TMEM132D: variants seen among roughly 807,000 people sequenced by gnomAD.
The protein encoded by TMEM132D is transmembrane protein 132D, also known as mature OL transmembrane protein.
TMEM132D carries 21 observed loss-of-function variants against 62.3 expected under a neutral mutation model. The ratio of observed to expected loss-of-function variants is 0.34; its 90% CI spans 0.24 to 0.49. TMEM132D has a LOEUF of 0.49. Among genes scored for constraint, TMEM132D ranks in the 20% least tolerant of loss-of-function variants. The pLI is 0.99. For missense variants in TMEM132D, 1,346 were observed against 1,402.8 expected (o/e 0.96, Z 0.65); for synonymous variants, 621 against 575.6 (o/e 1.08, Z -1.13).
At chr12:129,405,197 T>C (rs1871744330) in intron 3 of TMEM132D, among the ~76,000 whole-genome samples, 1 of 152,216 alleles carries the variant, frequency 6.6e-6, no homozygotes, top group Non-Finnish European at 1.5e-5. Context: ...AAGGTTCTGC[T>C]GATTTGGCTC....
chr12:129,158,748 C>T (rs750944806), intron 5 of TMEM132D, among the ~76,000 whole-genome samples: 3 of 152,148 alleles, frequency 2.0e-5, no homozygotes, highest in South Asian at 2.1e-4. Context: ...CAGTGATCAA[C>T]GGTATGAGTC....
At chr12:129,252,841 C>T (rs1459955726) in intron 4 of TMEM132D, among the ~76,000 whole-genome samples, 4 of 152,052 alleles carry the variant, frequency 2.6e-5, no homozygotes, top group Admixed American at 2.6e-4. Flanking sequence ...CACATATACG[C>T]CATGGAATAC....
intron 4 of TMEM132D, among the ~76,000 whole-genome samples, chr12:129,313,573 A>G (rs971392917): frequency 2.4e-4 from 36 of 151,022 alleles, no homozygotes; most frequent in South Asian, 1.3e-3. Flanking sequence ...GTGTGTGTAT[A>G]TATATATATA....
chr12:129,571,824 T>A (rs1456874797), intron 2 of TMEM132D, among the ~76,000 whole-genome samples: 1 of 151,986 alleles, frequency 6.6e-6, no homozygotes, highest in African/African-American at 2.4e-5. Flanking sequence ...ATTTAGGGAT[T>A]TTTTTTAAAG....
chr12:129,855,084 G>T, intron 1 of TMEM132D: 1 of 150,934 alleles, frequency 6.6e-6, no homozygotes, highest in Non-Finnish European at 1.5e-5. Flanking sequence ...GAACGGGATG[G>T]GTGCCCTTAT....
intron 3 of TMEM132D, among the ~76,000 whole-genome samples, chr12:129,423,273 A>G (rs541390973): frequency 5.3e-5 from 8 of 152,268 alleles, no homozygotes; most frequent in Admixed American, 1.3e-4. Context: ...TTTCCTACAC[A>G]TAAACAGGAA....
intron 4 of TMEM132D, among the ~76,000 whole-genome samples, chr12:129,308,904 T>C (rs1881905596): frequency 6.6e-6 from 1 of 152,204 alleles, no homozygotes; most frequent in African/African-American, 2.4e-5. Flanking sequence ...CCATTTTGGA[T>C]GTTAAATGAC....
At chr12:129,877,619 A>ACC (rs1593196177) in intron 1 of TMEM132D, among the ~76,000 whole-genome samples, 1 of 142,546 alleles carries the variant, frequency 7.0e-6, no homozygotes, top group East Asian at 3.3e-4. Context: ...GCGCGCACAC[A>ACC]CACACACACA....
intron 5 of TMEM132D, among the ~76,000 whole-genome samples, chr12:129,208,232 A>C (rs1878915758): frequency 6.6e-6 from 1 of 152,164 alleles, no homozygotes; most frequent in Non-Finnish European, 1.5e-5. Context: ...GATCCTGGCT[A>C]TCCTTGGAAG....
chr12:129,084,788 C>CT, intron 5 of TMEM132D, 86 bp from the exon 6 acceptor site: 8 of 1,362,640 alleles, frequency 5.9e-6, no homozygotes, highest in Non-Finnish European at 8.1e-6. Flanking sequence ...GGGAAGTGCC[C>CT]TGGCTGGTGG....
Position 129,408,177 on chromosome 12 carries a change from C to T in TMEM132D, c.1116-70360G>A, listed in dbSNP as rs535365567. ...TCCACCAAACAGGAGTTTTTCTATC[C>T]CTGTATCAATGGCATGAAAGCATGT... On this transcript the variant is annotated intron_variant, in intron 3 of 8. Coordinates refer to ENST00000422113, the MANE Select transcript of TMEM132D (RefSeq NM_133448.3). Among the ~76,000 whole-genome samples, 3 of 152,222 alleles carry T rather than the reference C, an allele frequency of 2.0e-5. No homozygotes were observed. The East Asian group carries it at 5.8e-4, about 29-fold the overall frequency.
intron 1 of TMEM132D, among the ~76,000 whole-genome samples, chr12:129,745,203 G>C (rs989500146): frequency 7.9e-5 from 12 of 152,068 alleles, no homozygotes; most frequent in Non-Finnish European, 1.5e-4. Flanking sequence ...ATATCTATTT[G>C]AAAAAGAACT....
intron 3 of TMEM132D, among the ~76,000 whole-genome samples, chr12:129,456,790 G>A (rs1244437295): frequency 6.6e-6 from 1 of 152,130 alleles, no homozygotes; most frequent in Non-Finnish European, 1.5e-5. Flanking sequence ...CGGGTTCCTG[G>A]TTTTGTGTTT....
chr12:129,412,186 G>C (rs1229392871), intron 3 of TMEM132D, among the ~76,000 whole-genome samples: 1 of 152,014 alleles, frequency 6.6e-6, no homozygotes, highest in Non-Finnish European at 1.5e-5. Flanking sequence ...CTTGTGCAGA[G>C]TCCAGATTCC....
At chr12:129,355,562 C>A (rs575146371) in intron 3 of TMEM132D, among the ~76,000 whole-genome samples, 1 of 152,106 alleles carries the variant, frequency 6.6e-6, no homozygotes, top group South Asian at 2.1e-4. Flanking sequence ...AGTATCTGAA[C>A]GACCCTTTCC....
chr12:129,503,948 C>A (rs1268172372), intron 3 of TMEM132D, among the ~76,000 whole-genome samples: 1 of 151,830 alleles, frequency 6.6e-6, no homozygotes. Flanking sequence ...ATCATCATCA[C>A]CATCATCACT....
At chr12:129,256,819 C>T (rs1880413251) in intron 4 of TMEM132D, among the ~76,000 whole-genome samples, 1 of 152,222 alleles carries the variant, frequency 6.6e-6, no homozygotes, top group African/African-American at 2.4e-5. Context: ...CTTTGACCTC[C>T]CAAAGGGCTG....
At chr12:129,513,886 G>A (rs1875587540) in intron 3 of TMEM132D, among the ~76,000 whole-genome samples, 1 of 149,526 alleles carries the variant, frequency 6.7e-6, no homozygotes, top group Non-Finnish European at 1.5e-5. Context: ...CGCCCAGGCT[G>A]GAGTGCAGTG....
chr12:129,393,027 C>T (rs1871331255), intron 3 of TMEM132D, among the ~76,000 whole-genome samples: 1 of 152,198 alleles, frequency 6.6e-6, no homozygotes, highest in Admixed American at 6.5e-5. Context: ...CTAGAACGAA[C>T]AGACTTTTTT....
Sources: gnomAD v4.1 joint callset for allele counts (sites outside exome capture counted in the v4.1 genomes callset) on GRCh38, gnomAD v4.1.1 for gene constraint, MANE v1.5 for transcripts, NCBI Gene and HGNC (gene_info 2026-07-23, HGNC 2026-07-21) for gene names.